The following CACNA1B variants were observed in gnomAD, a reference collection of about 807,000 sequenced individuals.
CACNA1B encodes voltage-dependent N-type calcium channel subunit alpha-1B.
Under a neutral mutation model 247.2 loss-of-function variants are expected in CACNA1B, and 70 were observed. The observed-to-expected ratio is 0.28, with a 90% confidence interval of 0.23 to 0.35. The LOEUF (loss-of-function observed/expected upper bound fraction) is 0.35. Among genes scored for constraint, CACNA1B ranks in the 10% least tolerant of loss-of-function variants. CACNA1B has a pLI of 1.00. For synonymous variants in CACNA1B, 1,231 were observed against 1,294.4 expected, an observed-to-expected ratio of 0.95 and a Z score of 1.05; for missense variants, 2,367 against 3,197.4, an observed-to-expected ratio of 0.74 and a Z score of 6.26.
rs202087777 is a variant in CACNA1B, at chr9:138,058,520, G to A, written c.4309-49G>A. 6.2e-5 allele frequency: 95 copies of A among 1,542,794 alleles called. 1 individual carries two copies. In the South Asian group the frequency reaches 8.1e-4, roughly 13 times the overall value. ...AGGGCTGGGTGCAGTAGATGCCGTC[G>A]GGTAGGTTTTCTGCTTCTGAGTCTC... On this transcript the variant is annotated intron_variant, in intron 28 of 46. Coordinates refer to ENST00000371372, the MANE Select transcript of CACNA1B (RefSeq NM_000718.4). This position sits in a 1 kb window ranked among gnomAD's most constrained non-coding sequence, Gnocchi z 4.7.
chr9:137,997,778 A>T (rs549499056), intron 15 of CACNA1B, among the ~76,000 whole-genome samples: 2 of 152,338 alleles, frequency 1.3e-5, no homozygotes, highest in African/African-American at 4.8e-5. Context: ...TGGAATTGGC[A>T]CGAGCAGTTC....
At position 138,085,103 on chromosome 9, in the gene CACNA1B, A is replaced by G. The variant is rs1479840533; in HGVS notation, c.5094+6845A>G. On this transcript the variant is annotated intron_variant, in intron 36 of 46. Transcript: ENST00000371372. ...GAAGTGCAACAAGATACAAGAAAAT[A>G]CAGATAGACAATGCAATGAAATCAG... is the stretch of plus-strand genomic sequence containing the variant. 1.3e-5 allele frequency among the ~76,000 whole-genome samples: 2 copies of G among 151,056 alleles called. 1 individual carries two copies. Among genetic ancestry groups the G allele is most frequent in the African/African-American group, 4.9e-5 (2 of 40,754 alleles).
At chr9:138,044,922 C>T (rs375625740) in intron 21 of CACNA1B, among the ~76,000 whole-genome samples, 41 of 152,202 alleles carry the variant, frequency 2.7e-4, no homozygotes, top group African/African-American at 9.4e-4. Context: ...TGGAGACAGA[C>T]GTGGACCCTG....
intron 36 of CACNA1B, among the ~76,000 whole-genome samples, chr9:138,085,571 C>T (rs763483036): frequency 3.3e-5 from 5 of 151,048 alleles, no homozygotes; most frequent in Admixed American, 6.6e-5. Flanking sequence ...AGGTTCTCCC[C>T]GGGACATGTT....
Position 137,955,851 on chromosome 9 carries a change from C to T in CACNA1B, c.1186+38C>T. 2 of 1,340,084 alleles carry T rather than the reference C, an allele frequency of 1.5e-6. No homozygotes were observed. The highest frequency in any genetic ancestry group is 2.1e-6 in the Non-Finnish European group (2 of 949,634). 83.0% of individuals were successfully genotyped at this position (1,340,084 alleles called of 1,614,324 possible). ...GGGAGCCACTGCACTCCTGGCCGGCCACTGTTAGTTCTCTGTCCCCAATTC... is the reference window on the plus strand; with the variant it reads ...GGGAGCCACTGCACTCCTGGCCGGCTACTGTTAGTTCTCTGTCCCCAATTC... On this transcript the variant is annotated intron_variant, in intron 8 of 46. Transcript: ENST00000371372. This position sits in a 1 kb window ranked among gnomAD's most constrained non-coding sequence, Gnocchi z 6.9.
chr9:138,013,167 T>C lies in CACNA1B; in HGVS notation c.2199T>C (p.Leu733=), dbSNP rs1564237955. The change falls in exon 18 of 47, where the codon CTT becomes CTC. Residue 733 remains leucine, a synonymous_variant. Coordinates refer to ENST00000371372, the MANE Select transcript of CACNA1B (RefSeq NM_000718.4). The part of the protein sequence containing the change: ...EEMEEAANQK[L]ALQKAKEVAE... The stretch of plus-strand genomic sequence containing the variant: ...TGGAAGAAGCAGCCAATCAGAAGCT[T>C]GCTCTGCAAAAGGCCAAAGAAGTGG... The C allele has an allele frequency of 6.2e-7, 1 of 1,612,920 alleles. No individual in the cohort carries two copies. The highest frequency in any genetic ancestry group is 8.5e-7 in the Non-Finnish European group (1 of 1,179,446).
In CACNA1B at chr9:138,100,013, G is replaced by A. The variant is rs1244016970; in HGVS notation, c.5223-2698G>A. The stretch of plus-strand genomic sequence containing the variant: ...GCTGTCAGAACACTCAGCCAGGCTT[G>A]GCAGTGAGACCACATGGTGACTGTA... On this transcript the variant is annotated intron_variant, in intron 37 of 46. Coordinates refer to ENST00000371372, the MANE Select transcript of CACNA1B (RefSeq NM_000718.4). This position sits in a 1 kb window ranked among gnomAD's most constrained non-coding sequence, Gnocchi z 4.6. Among the ~76,000 whole-genome samples, 1 of 152,268 alleles carries A rather than the reference G, an allele frequency of 6.6e-6. No individual in the cohort carries two copies. Among genetic ancestry groups the A allele is most frequent in the Non-Finnish European group, 1.5e-5 (1 of 68,050 alleles).
intron 6 of CACNA1B, among the ~76,000 whole-genome samples, chr9:137,949,450 G>A (rs1042448516): frequency 1.4e-5 from 2 of 142,420 alleles, no homozygotes; most frequent in Non-Finnish European, 3.1e-5. Context: ...TGTGTGGGGT[G>A]TGTGCGTGTG....
chr9:138,058,516 C>T lies in CACNA1B; in HGVS notation c.4309-53C>T, dbSNP rs2278976. The T allele has an allele frequency of 3.9e-3, 5,927 of 1,522,614 alleles. 189 individuals carry two copies. The East Asian group carries it at 0.087, about 22-fold the overall frequency. The allele number at this position is 1,522,614 out of a possible 1,614,324, so 94.3% of individuals were successfully genotyped here. The stretch of plus-strand genomic sequence containing the variant: ...AGACAGGGCTGGGTGCAGTAGATGC[C>T]GTCGGGTAGGTTTTCTGCTTCTGAG... On this transcript the variant is annotated intron_variant, in intron 28 of 46. Transcript: ENST00000371372. This position sits in a 1 kb window ranked among gnomAD's most constrained non-coding sequence, Gnocchi z 4.7.
chr9:137,995,212 CAA>C lies in CACNA1B; in HGVS notation c.1974+8373_1974+8374del, dbSNP rs34306133. Among the ~76,000 whole-genome samples the C allele has an allele frequency of 1.3e-3, 145 of 115,700 alleles. 3 individuals are homozygous for C. The highest frequency in any genetic ancestry group is 1.4e-3 in the South Asian group (5 of 3,536). 75.9% of individuals were successfully genotyped at this position (115,700 alleles called of 152,430 possible). A position where few individuals can be genotyped will look rare whatever the true frequency, so the allele number is the denominator to read the frequency against. On this transcript the variant is annotated intron_variant, in intron 15 of 46. Coordinates refer to ENST00000371372, the MANE Select transcript of CACNA1B (RefSeq NM_000718.4). ...GGGTGACAAGAGTGAGACTCCGTCT[CAA>C]AAAAAAAAAAAAAACAAAATCAGCA... is the stretch of plus-strand genomic sequence containing the variant.
At chr9:138,049,354 C>T (rs770586788) in intron 24 of CACNA1B, 39 bp downstream of exon 24, 2 of 1,279,358 alleles carry the variant, frequency 1.6e-6, no homozygotes, top group South Asian at 1.2e-5. Flanking sequence ...GGGAGAGCCC[C>T]CAGAATCACG....
chr9:138,029,864 C>T (rs973885743), intron 20 of CACNA1B, among the ~76,000 whole-genome samples: 1 of 152,150 alleles, frequency 6.6e-6, no homozygotes, highest in South Asian at 2.1e-4. Context: ...ATCTGCCTTT[C>T]TCAGCCTCCC....
intron 3 of CACNA1B, among the ~76,000 whole-genome samples, chr9:137,901,511 C>T (rs762808153): frequency 3.3e-5 from 5 of 151,650 alleles, no homozygotes; most frequent in South Asian, 2.1e-4. Flanking sequence ...TTTTTAGTAG[C>T]GATGGGGTTA....
Position 137,955,669 on chromosome 9 carries a change from A to G in CACNA1B, c.1071-29A>G. The G allele has an allele frequency of 6.7e-7, 1 of 1,490,116 alleles. No homozygotes were observed. Among genetic ancestry groups the G allele is most frequent in the Non-Finnish European group, 9.3e-7 (1 of 1,074,372 alleles). The allele number at this position is 1,490,116 out of a possible 1,614,324, so 92.3% of individuals were successfully genotyped here. On this transcript the variant is annotated intron_variant, in intron 7 of 46. Transcript: ENST00000371372. This position sits in a 1 kb window ranked among gnomAD's most constrained non-coding sequence, Gnocchi z 6.9. Reference sequence around the variant, plus strand: ...CACCTGTGGGGCTTGCACTCACCTGATCTTGCTTTTCCGGCCCCTGCATGG... The same window carrying G: ...CACCTGTGGGGCTTGCACTCACCTGGTCTTGCTTTTCCGGCCCCTGCATGG...
intron 42 of CACNA1B, 121 bp downstream of exon 42, chr9:138,115,800 C>A: frequency 9.2e-7 from 1 of 1,081,866 alleles, no homozygotes. Flanking sequence ...TCTGGGTTCA[C>A]CAGCTTGGAG....
chr9:137,974,421 A>G lies in CACNA1B; in HGVS notation c.1544-1486A>G, dbSNP rs553303061. On this transcript the variant is annotated intron_variant, in intron 11 of 46. Transcript: ENST00000371372. This position sits in a 1 kb window ranked among gnomAD's most constrained non-coding sequence, Gnocchi z 4.5. ...TGGTGTCAGAGGCCAGGCTTGCTAC[A>G]GGTGACTTGCTCCAAGGAACTGGTT... is the stretch of plus-strand genomic sequence containing the variant. Among the ~76,000 whole-genome samples the G allele has an allele frequency of 2.2e-4, 33 of 152,296 alleles. No individual in the cohort carries two copies. The East Asian group carries it at 2.9e-3, about 13-fold the overall frequency.
chr9:138,059,055 C>T lies in CACNA1B; in HGVS notation c.4474-24C>T, dbSNP rs764773349. 72 of 1,462,270 alleles carry T rather than the reference C, an allele frequency of 4.9e-5. No individual in the cohort carries two copies. The highest frequency in any genetic ancestry group is 6.6e-5 in the Non-Finnish European group (69 of 1,044,690). The allele number at this position is 1,462,270 out of a possible 1,614,324, so 90.6% of individuals were successfully genotyped here. A position where few individuals can be genotyped will look rare whatever the true frequency, so the allele number is the denominator to read the frequency against. ...GTCTTGGGGCTGCCAAACCCATGGC[C>T]AACAGTGCCTATTCCCCGGGCAGTT... On this transcript the variant is annotated intron_variant, in intron 29 of 46. Coordinates refer to ENST00000371372, the MANE Select transcript of CACNA1B (RefSeq NM_000718.4). The surrounding 1 kb of genome is among the most constrained non-coding windows in gnomAD (Gnocchi z 4.2).
intron 3 of CACNA1B, among the ~76,000 whole-genome samples, chr9:137,903,511 C>T (rs1327681687): frequency 6.6e-6 from 1 of 152,188 alleles, no homozygotes; most frequent in Non-Finnish European, 1.5e-5. Context: ...GGTTTAATGT[C>T]TCATGAAGCC....
At chr9:137,979,437 T>C (rs1262330332) in intron 12 of CACNA1B, among the ~76,000 whole-genome samples, 1 of 152,108 alleles carries the variant, frequency 6.6e-6, no homozygotes, top group Non-Finnish European at 1.5e-5. Flanking sequence ...ACAGAAGTTA[T>C]AGAAACCCTG....
Sources: allele counts gnomAD v4.1 joint callset (sites outside exome capture counted in the v4.1 genomes callset), GRCh38; gene constraint gnomAD v4.1.1; non-coding constraint Gnocchi (gnomAD v3.1); transcripts MANE v1.5; gene names NCBI Gene and HGNC (gene_info 2026-07-23, HGNC 2026-07-21).